TESK1: variants seen among roughly 807,000 people sequenced by gnomAD.
TESK1 encodes the protein dual specificity testis-specific protein kinase 1.
Under a neutral mutation model 59.9 loss-of-function variants are expected in TESK1, and 18 were observed. The ratio of observed to expected loss-of-function variants is 0.30; its 90% CI spans 0.21 to 0.45. The LOEUF (loss-of-function observed/expected upper bound fraction) is 0.45. Ranked by LOEUF, TESK1 falls within the 20% of genes least tolerant of loss-of-function variation. The probability of loss-of-function intolerance (pLI) is 1.00; values close to 1 mark genes in which losing one functional copy is unlikely to be tolerated. For missense variants in TESK1, 748 were observed against 840.9 expected (o/e 0.89, Z 1.37); for synonymous variants, 341 against 357.4 (o/e 0.95, Z 0.52).
Position 35,607,815 on chromosome 9 carries a change from C to T in TESK1, c.712-113C>T. 3 of 1,324,142 alleles carry T rather than the reference C, an allele frequency of 2.3e-6. No individual in the cohort carries two copies. The highest frequency in any genetic ancestry group is 3.2e-6 in the Non-Finnish European group (3 of 942,252). The allele number at this position is 1,324,142 out of a possible 1,614,324, so 82.0% of individuals were successfully genotyped here. ...TTGCCCCTCACAGGCACCCTTCTAA[C>T]ACATGAAAACTGTCAAGATCCCCCA... is the stretch of plus-strand genomic sequence containing the variant. On this transcript the variant is annotated intron_variant, in intron 6 of 9. Transcript: ENST00000336395. The surrounding 1 kb of genome is among the most constrained non-coding windows in gnomAD (Gnocchi z 4.5).
Position 35,609,347 on chromosome 9 carries a change from A to G in TESK1, c.1486A>G (p.Ile496Val). Residue 496 changes from isoleucine to valine, a missense_variant, in exon 10 of 10, where the codon ATC (isoleucine) becomes GTC (valine). Coordinates refer to ENST00000336395, the MANE Select transcript of TESK1 (RefSeq NM_006285.3). This position sits in a 1 kb window ranked among gnomAD's most constrained non-coding sequence, Gnocchi z 6.7. ...LPLAVATDNF[I>V]STCSSASQPW... ...TCTGGCTGTGGCCACAGACAACTTC[A>G]TCAGCACCTGTTCCTCGGCCTCCCA... 1 of 1,613,514 alleles carries G rather than the reference A, an allele frequency of 6.2e-7. No homozygotes were observed. The highest frequency in any genetic ancestry group is 1.1e-5 in the South Asian group (1 of 91,040).
rs1165623408 is a variant in TESK1, at chr9:35,605,696, C to CG, written c.83dup (p.Thr29HisfsTer22). ...GTGCCGGGGGAGGGGCCCCCGGGGC[C>CG]GGGGGGCACGGGCGGAGGCCCGGGC... On this transcript the variant is annotated frameshift_variant, in exon 1 of 10. Transcript: ENST00000336395. LOFTEE classifies it high-confidence loss of function. 3 of 1,490,742 alleles carry CG rather than the reference C, an allele frequency of 2.0e-6. No individual in the cohort carries two copies. The highest frequency in any genetic ancestry group is 8.9e-7 in the Non-Finnish European group (1 of 1,121,528). The allele number at this position is 1,490,742 out of a possible 1,614,324, so 92.3% of individuals were successfully genotyped here. A position where few individuals can be genotyped will look rare whatever the true frequency, so the allele number is the denominator to read the frequency against.
rs370758546 is a variant in TESK1 at position 35,608,149 on chromosome 9, T to G, written c.796-11T>G. The stretch of plus-strand genomic sequence containing the variant: ...AAGCTGACTTGGAGGTCCCTCCTTC[T>G]GTCCCCACAGGACTTTGGCCTGGAT... On this transcript the variant is annotated splice_polypyrimidine_tract_variant and intron_variant, in intron 7 of 9. Transcript: ENST00000336395. The G allele has an allele frequency of 3.7e-6, 6 of 1,613,928 alleles. No individual in the cohort carries two copies. In the African/African-American group the frequency reaches 4.0e-5, roughly 11 times the overall value.
Position 35,607,785 on chromosome 9 carries a change from TC to T in TESK1, c.711+116del. The T allele has an allele frequency of 7.9e-7, 1 of 1,273,220 alleles. No individual in the cohort carries two copies. Among genetic ancestry groups the T allele is most frequent in the Non-Finnish European group, 1.1e-6 (1 of 899,632 alleles). The allele number at this position is 1,273,220 out of a possible 1,614,324, so 78.9% of individuals were successfully genotyped here. ...ACCAGATCTTCAGGAGTCCCCAAGA[TC>T]CCTTTGCCCCTCACAGGCACCCTTC... is the stretch of plus-strand genomic sequence containing the variant. On this transcript the variant is annotated intron_variant, in intron 6 of 9. Coordinates refer to ENST00000336395, the MANE Select transcript of TESK1 (RefSeq NM_006285.3). This position sits in a 1 kb window ranked among gnomAD's most constrained non-coding sequence, Gnocchi z 4.5.
intron 9 of TESK1, 33 bp downstream of exon 9, chr9:35,608,542 C>T: frequency 6.3e-7 from 1 of 1,582,966 alleles, no homozygotes; most frequent in Non-Finnish European, 8.7e-7. Flanking sequence ...CAGCTTGAGT[C>T]CTTTGGCCTT....
In TESK1 at chr9:35,607,658, C is replaced by G; in HGVS notation, c.697C>G (p.Leu233Val). 1.2e-6 allele frequency: 2 copies of G among 1,613,754 alleles called. No individual in the cohort carries two copies. The highest frequency in any genetic ancestry group is 1.7e-6 in the Non-Finnish European group (2 of 1,179,732). The change falls in exon 6 of 10, where the codon CTG (leucine) becomes GTG (valine). Residue 233 changes from leucine (L) to valine (V), a missense_variant. Transcript: ENST00000336395. The surrounding 1 kb of genome is among the most constrained non-coding windows in gnomAD (Gnocchi z 4.5). ...WMAPEVLRGE[L>V]YDEKADVFAF... is the part of the protein sequence containing the mutation. ...GGCTCCAGAGGTGTTACGGGGTGAG[C>G]TGTATGATGAGAAGGTGAGACATCA...
chr9:35,606,345 G>C (rs1343386761), intron 3 of TESK1, 60 bp downstream of exon 3: 22 of 1,597,780 alleles, frequency 1.4e-5, no homozygotes, highest in Non-Finnish European at 6.9e-6. Context: ...GATAAAGGGA[G>C]TCAACAGGCC....
chr9:35,607,026 G>T lies in TESK1; in HGVS notation c.537+43G>T. The T allele has an allele frequency of 6.6e-7, 1 of 1,525,944 alleles. No individual in the cohort carries two copies. The highest frequency in any genetic ancestry group is 8.8e-7 in the Non-Finnish European group (1 of 1,132,986). 94.5% of individuals were successfully genotyped at this position (1,525,944 alleles called of 1,614,324 possible). On this transcript the variant is annotated intron_variant, in intron 4 of 9. Coordinates refer to ENST00000336395, the MANE Select transcript of TESK1 (RefSeq NM_006285.3). The surrounding 1 kb of genome is among the most constrained non-coding windows in gnomAD (Gnocchi z 4.5). ...GTGGAGACATGAAAGAGGGTTTGAG[G>T]CTATTAGGTTGTAACTGGCCTGTGG...
In TESK1 at chr9:35,605,266, C is replaced by T. The variant is rs1161813164; in HGVS notation, c.-354C>T. The T allele has an allele frequency of 1.3e-5, 2 of 150,298 alleles. No homozygotes were observed. Among genetic ancestry groups the T allele is most frequent in the African/African-American group, 2.4e-5 (1 of 41,184 alleles). 9.3% of individuals were successfully genotyped at this position (150,298 alleles called of 1,614,324 possible). ...GCCCCGCCCCCGGCAGGCCGCGGAG[C>T]CTGATCCCCGGCGGCTAAGCGGAGC... On this transcript the variant is annotated 5_prime_UTR_variant, in exon 1 of 10. Transcript: ENST00000336395.
In TESK1 at chr9:35,606,939, T is replaced by C; in HGVS notation, c.493T>C (p.Tyr165His). Reference protein sequence around the residue: ...LALDIARGLRYLHSKGVFHRD... With the variant: ...LALDIARGLRHLHSKGVFHRD... ...CCTGGACATTGCCCGAGGCCTGCGGTACCTGCACTCCAAAGGTGTATTTCA... is the reference window on the plus strand; with the variant it reads ...CCTGGACATTGCCCGAGGCCTGCGGCACCTGCACTCCAAAGGTGTATTTCA... Residue 165 changes from tyrosine to histidine, a missense_variant, in exon 4 of 10, where the codon TAC (tyrosine) becomes CAC (histidine). By Grantham distance (83) the Tyr-to-His change is moderately conservative (BLOSUM62 2). Coordinates refer to ENST00000336395, the MANE Select transcript of TESK1 (RefSeq NM_006285.3). 1.2e-6 allele frequency: 2 copies of C among 1,613,056 alleles called. No homozygotes were observed. The highest frequency in any genetic ancestry group is 8.5e-7 in the Non-Finnish European group (1 of 1,179,400).
rs893598132 is a variant in TESK1, at chr9:35,607,511, C to T, written c.621-71C>T. ...TCCCTTGGGGAACGGAGGGAGTTCA[C>T]CTCATCCCCTTTTGCCTGGGGGGGA... On this transcript the variant is annotated intron_variant, in intron 5 of 9. Coordinates refer to ENST00000336395, the MANE Select transcript of TESK1 (RefSeq NM_006285.3). This position sits in a 1 kb window ranked among gnomAD's most constrained non-coding sequence, Gnocchi z 4.5. The T allele has an allele frequency of 4.9e-5, 77 of 1,578,226 alleles. No individual in the cohort carries two copies. Among genetic ancestry groups the T allele is most frequent in the Non-Finnish European group, 6.5e-5 (75 of 1,148,094 alleles).
chr9:35,608,366 G>A, intron 8 of TESK1, 29 bp from the exon 9 acceptor site: 1 of 1,612,820 alleles, frequency 6.2e-7, no homozygotes, highest in Non-Finnish European at 8.5e-7. Context: ...GGAGCACTGA[G>A]TGAAGCCGTT....
At position 35,606,316 on chromosome 9, in the gene TESK1, AC is replaced by A. The variant is rs750530191; in HGVS notation, c.390+37del. The stretch of plus-strand genomic sequence containing the variant: ...GATAGGCCAGGAAGGAGGGATCCCC[AC>A]CCCCCTTCACCCCCAAGGATAAAGG... On this transcript the variant is annotated intron_variant, in intron 3 of 9. Coordinates refer to ENST00000336395, the MANE Select transcript of TESK1 (RefSeq NM_006285.3). The A allele has an allele frequency of 5.0e-6, 8 of 1,611,676 alleles. No homozygotes were observed. The Admixed American group carries it at 1.3e-4, about 27-fold the overall frequency.
rs79361110 is a variant in TESK1, at chr9:35,609,549, A to G, written c.1688A>G (p.Asp563Gly). 6.2e-7 allele frequency: 1 copy of G among 1,613,214 alleles called. No homozygotes were observed. The highest frequency in any genetic ancestry group is 1.1e-5 in the South Asian group (1 of 91,008). The change falls in exon 10 of 10, where the codon GAT becomes GGT. Residue 563 changes from aspartate (D) to glycine (G), a missense_variant. Physicochemically the swap from Asp to Gly is moderately conservative, Grantham distance 94. Around this residue, in one of 3 missense-constraint regions of TESK1, gnomAD observed 447 missense variants for 466.1 expected, o/e 0.96. Coordinates refer to ENST00000336395, the MANE Select transcript of TESK1 (RefSeq NM_006285.3). The surrounding 1 kb of genome is among the most constrained non-coding windows in gnomAD (Gnocchi z 6.7). The stretch of plus-strand genomic sequence containing the variant: ...CCCCCTTCAGCTCCCCGGGAGCCCG[A>G]TGAGGGGCTGCCCTGTCCTGGCTGC... ...SPPPSAPREP[D>G]EGLPCPGCCL...
In TESK1 at chr9:35,607,890, G is replaced by T; in HGVS notation, c.712-38G>T. Reference sequence around the variant, plus strand: ...CTGTCAAAATTCTGAAATGAAAACTGTTAATTCTTCCCCGACACTATTATC... The same window carrying T: ...CTGTCAAAATTCTGAAATGAAAACTTTTAATTCTTCCCCGACACTATTATC... On this transcript the variant is annotated intron_variant, in intron 6 of 9. Transcript: ENST00000336395. The surrounding 1 kb of genome is among the most constrained non-coding windows in gnomAD (Gnocchi z 4.5). The T allele has an allele frequency of 6.2e-7, 1 of 1,605,658 alleles. No homozygotes were observed. The highest frequency in any genetic ancestry group is 1.1e-5 in the South Asian group (1 of 90,484).
rs1379488109 is a variant in TESK1 at position 35,605,298 on chromosome 9, C to G, written c.-322C>G. 2 of 147,890 alleles carry G rather than the reference C, an allele frequency of 1.4e-5. No homozygotes were observed. The highest frequency in any genetic ancestry group is 4.9e-5 in the African/African-American group (2 of 40,898). The allele number at this position is 147,890 out of a possible 1,614,324, so 9.2% of individuals were successfully genotyped here. A position where few individuals can be genotyped will look rare whatever the true frequency, so the allele number is the denominator to read the frequency against. ...CCCGGCGGCTAAGCGGAGCAGCCGC[C>G]GCCCGCCCGCCCGCCCGCCTCCGCC... On this transcript the variant is annotated 5_prime_UTR_variant, in exon 1 of 10. Transcript: ENST00000336395.
chr9:35,606,152 GGAAA>G (rs1822844282), intron 2 of TESK1, 47 bp downstream of exon 2: 1 of 1,614,120 alleles, frequency 6.2e-7, no homozygotes, highest in Non-Finnish European at 8.5e-7. Flanking sequence ...GGAGAGAAAG[GGAAA>G]GATCCCGCGG....
At position 35,608,882 on chromosome 9, in the gene TESK1, C is replaced by T. The variant is rs150641568; in HGVS notation, c.1021C>T (p.Pro341Ser). 8.8e-6 allele frequency: 14 copies of T among 1,592,618 alleles called. No individual in the cohort carries two copies. The African/African-American group carries it at 1.6e-4, about 18-fold the overall frequency. ...TACAGGCTCTGTTGCAAGAGGGGGT[C>T]CCTCTGCCACGCTTCCCAGGCCAGA... is the stretch of plus-strand genomic sequence containing the variant. ...HNQGSVARGG[P>S]SATLPRPDPR... The change falls in exon 10 of 10, where the codon CCC becomes TCC. Residue 341 changes from proline (P) to serine (S), a missense_variant. Pro to Ser is a moderately conservative substitution (Grantham distance 74, BLOSUM62 -1). Coordinates refer to ENST00000336395, the MANE Select transcript of TESK1 (RefSeq NM_006285.3).
chr9:35,607,262 T>C lies in TESK1; in HGVS notation c.538-65T>C. 2 of 1,591,082 alleles carry C rather than the reference T, an allele frequency of 1.3e-6. No homozygotes were observed. The highest frequency in any genetic ancestry group is 1.7e-6 in the Non-Finnish European group (2 of 1,159,882). The stretch of plus-strand genomic sequence containing the variant: ...GCTGGAGTGACAGGGCTTTGGGTTA[T>C]ACATTGGGAGGCCAGACAGCAGAAG... On this transcript the variant is annotated intron_variant, in intron 4 of 9. Transcript: ENST00000336395. The surrounding 1 kb of genome is among the most constrained non-coding windows in gnomAD (Gnocchi z 4.5).
Sources: gnomAD v4.1 joint callset for allele counts on GRCh38, gnomAD v4.1.1 for gene constraint, gnomAD v4.1.1 regional missense constraint, Gnocchi (gnomAD v3.1) non-coding constraint, MANE v1.5 for transcripts, NCBI Gene and HGNC (gene_info 2026-07-23, HGNC 2026-07-21) for gene names.